NEDD4L: variants seen among roughly 807,000 people sequenced by gnomAD.
NEDD4L encodes E3 ubiquitin-protein ligase NEDD4-like.
In NEDD4L, 54 loss-of-function variants were observed where a neutral mutation model predicts 148.9. The observed-to-expected ratio is 0.36, with a 90% CI of 0.29 to 0.45. The LOEUF is 0.45. Ranked by LOEUF, NEDD4L falls within the 20% of genes least tolerant of loss-of-function variation. NEDD4L has a pLI of 1.00. For synonymous variants in NEDD4L, 433 were observed against 440.7 expected, an observed-to-expected ratio of 0.98 and a Z score of 0.22; for missense variants, 856 against 1,233.8, an observed-to-expected ratio of 0.69 and a Z score of 4.59.
intron 1 of NEDD4L, among the ~76,000 whole-genome samples, chr18:58,103,808 G>C (rs1029078962): frequency 6.6e-6 from 1 of 152,224 alleles, no homozygotes; most frequent in African/African-American, 2.4e-5. Context: ...GACTGCCTGC[G>C]CAGCCCGAGG....
At chr18:58,341,244 G>T in intron 14 of NEDD4L, 75 bp downstream of exon 14, 2 of 1,525,004 alleles carry the variant, frequency 1.3e-6, no homozygotes, top group South Asian at 2.5e-5. Context: ...TCCTTTCCTG[G>T]TGTTTATGTA....
At chr18:58,121,140 T>C (rs532011454) in intron 1 of NEDD4L, among the ~76,000 whole-genome samples, 1 of 152,224 alleles carries the variant, frequency 6.6e-6, no homozygotes, top group East Asian at 1.9e-4. Flanking sequence ...AGAATGATAT[T>C]AGTAAGATAG....
At position 58,196,219 on chromosome 18, in the gene NEDD4L, C is replaced by G. The variant is rs1340295907; in HGVS notation, c.122+30358C>G. ...AAAATTTGATTCTTTGTAGGCTTCA[C>G]TGTGAAATAAGTTCAATTTAGAGCA... On this transcript the variant is annotated intron_variant, in intron 2 of 30. Coordinates refer to ENST00000400345, the MANE Select transcript of NEDD4L (RefSeq NM_001144967.3). Among the ~76,000 whole-genome samples, 3 of 152,224 alleles carry G rather than the reference C, an allele frequency of 2.0e-5. No individual in the cohort carries two copies. The East Asian group carries it at 5.8e-4, about 29-fold the overall frequency.
At chr18:58,158,088 G>A (rs1678529255) in intron 1 of NEDD4L, among the ~76,000 whole-genome samples, 1 of 152,232 alleles carries the variant, frequency 6.6e-6, no homozygotes, top group Non-Finnish European at 1.5e-5. Context: ...GAGTGAGGAT[G>A]TCAGCCAAGG....
intron 5 of NEDD4L, among the ~76,000 whole-genome samples, chr18:58,301,384 A>G (rs1052322008): frequency 2.6e-5 from 4 of 152,142 alleles, no homozygotes; most frequent in Non-Finnish European, 4.4e-5. Flanking sequence ...AATCATCTAT[A>G]TAGTTTATAG....
In NEDD4L at chr18:58,256,542, G is replaced by A; in HGVS notation, c.297+4488G>A. On this transcript the variant is annotated intron_variant, in intron 5 of 30. Coordinates refer to ENST00000400345, the MANE Select transcript of NEDD4L (RefSeq NM_001144967.3). This position sits in a 1 kb window ranked among gnomAD's most constrained non-coding sequence, Gnocchi z 5.2. ...GAGCGAGGGAGCCCCACGGAAGATCGGGGAGCCCTGGAGGCATCGCCTCGA... is the reference window on the plus strand; with the variant it reads ...GAGCGAGGGAGCCCCACGGAAGATCAGGGAGCCCTGGAGGCATCGCCTCGA... 2.4e-6 allele frequency: 3 copies of A among 1,232,288 alleles called. No individual in the cohort carries two copies. The highest frequency in any genetic ancestry group is 3.0e-6 in the Non-Finnish European group (3 of 988,068). 76.3% of individuals were successfully genotyped at this position (1,232,288 alleles called of 1,614,324 possible). A position where few individuals can be genotyped will look rare whatever the true frequency, so the allele number is the denominator to read the frequency against.
At chr18:58,110,905 G>A (rs150782063) in intron 1 of NEDD4L, among the ~76,000 whole-genome samples, 2 of 152,200 alleles carry the variant, frequency 1.3e-5, no homozygotes, top group Non-Finnish European at 2.9e-5. Context: ...TTTGTCCAAG[G>A]TATTTTTCAA....
intron 2 of NEDD4L, among the ~76,000 whole-genome samples, chr18:58,216,379 TC>T (rs1358486511): frequency 7.2e-5 from 11 of 152,128 alleles, no homozygotes; most frequent in African/African-American, 2.4e-4. Context: ...TTGTAGTAAG[TC>T]AGCCTGGAGA....
intron 1 of NEDD4L, among the ~76,000 whole-genome samples, chr18:58,145,020 C>T (rs1356504791): frequency 6.6e-6 from 1 of 152,200 alleles, no homozygotes; most frequent in Non-Finnish European, 1.5e-5. Context: ...CTGCAGGAAG[C>T]AGGCACCACC....
intron 2 of NEDD4L, among the ~76,000 whole-genome samples, chr18:58,194,941 A>G (rs1277593990): frequency 6.6e-6 from 1 of 152,238 alleles, no homozygotes; most frequent in Non-Finnish European, 1.5e-5. Flanking sequence ...AAGAATGCCA[A>G]AGGTGGCATA....
chr18:58,351,685 T>A (rs1166371690), intron 18 of NEDD4L, among the ~76,000 whole-genome samples: 1 of 152,130 alleles, frequency 6.6e-6, no homozygotes, highest in Non-Finnish European at 1.5e-5. Flanking sequence ...TTTTTGGAGG[T>A]GCCATGTTCT....
intron 18 of NEDD4L, among the ~76,000 whole-genome samples, chr18:58,351,709 T>C (rs1335936428): frequency 6.6e-6 from 1 of 152,232 alleles, no homozygotes; most frequent in Non-Finnish European, 1.5e-5. Context: ...TGGAATCATA[T>C]TTCTATGTCC....
rs1470654687 is a variant in NEDD4L, at chr18:58,256,007, G to A, written c.297+3953G>A. The stretch of plus-strand genomic sequence containing the variant: ...CGATGGGCCTCCATGCGCAACGCCC[G>A]ACCCCAGGGACCAGGCCTCCGCCAC... On this transcript the variant is annotated intron_variant, in intron 5 of 30. Coordinates refer to ENST00000400345, the MANE Select transcript of NEDD4L (RefSeq NM_001144967.3). This position sits in a 1 kb window ranked among gnomAD's most constrained non-coding sequence, Gnocchi z 5.2. 1.1e-5 allele frequency: 13 copies of A among 1,230,252 alleles called. No homozygotes were observed. The highest frequency in any genetic ancestry group is 3.1e-4 in the Middle Eastern group (1 of 3,226). 76.2% of individuals were successfully genotyped at this position (1,230,252 alleles called of 1,614,324 possible). A position where few individuals can be genotyped will look rare whatever the true frequency, so the allele number is the denominator to read the frequency against.
chr18:58,239,334 C>A (rs1329435103), intron 2 of NEDD4L, among the ~76,000 whole-genome samples: 1 of 152,202 alleles, frequency 6.6e-6, no homozygotes, highest in Non-Finnish European at 1.5e-5. Flanking sequence ...TCTGGAGGCA[C>A]ACTTGAAAAA....
At chr18:58,153,868 T>G (rs1019989100) in intron 1 of NEDD4L, among the ~76,000 whole-genome samples, 2 of 152,208 alleles carry the variant, frequency 1.3e-5, no homozygotes, top group African/African-American at 4.8e-5. Flanking sequence ...CAGGATGGTC[T>G]CTATCTCCTG....
chr18:58,357,083 GA>G lies in NEDD4L; in HGVS notation c.1709-110del. The G allele has an allele frequency of 3.2e-6, 3 of 927,850 alleles. No homozygotes were observed. The Middle Eastern group carries it at 7.6e-4, about 234-fold the overall frequency. The allele number at this position is 927,850 out of a possible 1,614,324, so 57.5% of individuals were successfully genotyped here. The stretch of plus-strand genomic sequence containing the variant: ...TTTGTCTTTAGAACACAGGGTGGGG[GA>G]CTGGACAGCTTTTGAAGAATCCAGA... On this transcript the variant is annotated intron_variant, in intron 18 of 30. Coordinates refer to ENST00000400345, the MANE Select transcript of NEDD4L (RefSeq NM_001144967.3).
At chr18:58,302,058 T>A (rs1366294948) in intron 5 of NEDD4L, among the ~76,000 whole-genome samples, 2 of 152,224 alleles carry the variant, frequency 1.3e-5, no homozygotes, top group Admixed American at 6.5e-5. Context: ...CTGCTTGGTA[T>A]CCCAGTTACT....
intron 5 of NEDD4L, among the ~76,000 whole-genome samples, chr18:58,272,030 TGAA>T (rs1380149020): frequency 6.6e-6 from 1 of 152,224 alleles, no homozygotes; most frequent in Non-Finnish European, 1.5e-5. Context: ...CCTTGGTTAT[TGAA>T]GATATATTCA....
chr18:58,139,312 A>T (rs1201004922), intron 1 of NEDD4L, among the ~76,000 whole-genome samples: 1 of 143,576 alleles, frequency 7.0e-6, no homozygotes, highest in Non-Finnish European at 1.5e-5. Context: ...CCCGCCCCAT[A>T]CAGGAGACCC....
Sources: allele counts gnomAD v4.1 joint callset (sites outside exome capture counted in the v4.1 genomes callset), GRCh38; gene constraint gnomAD v4.1.1; non-coding constraint Gnocchi (gnomAD v3.1); transcripts MANE v1.5; gene names NCBI Gene and HGNC (gene_info 2026-07-23, HGNC 2026-07-21).